The following ALPK2 variants were observed in gnomAD, a reference collection of about 807,000 sequenced individuals.
The protein encoded by ALPK2 is alpha-protein kinase 2.
A neutral mutation model predicts 163.1 loss-of-function variants in ALPK2; 127 were observed. The ratio of observed to expected loss-of-function variants is 0.78; its 90% CI spans 0.67 to 0.90. The LOEUF is 0.90. Among genes scored for constraint, ALPK2 ranks in the 40% least tolerant of loss-of-function variants. The pLI, the probability that ALPK2 is intolerant of heterozygous loss-of-function variation, is 0.00. For synonymous variants in ALPK2, 953 were observed against 959.1 expected (o/e 0.99, Z 0.12); for missense variants, 2,360 against 2,589.6 (o/e 0.91, Z 1.92).
rs200263154 is a variant in ALPK2 at position 58,625,186 on chromosome 18, G to GAA, written c.-21+3576_-21+3577dup. ...GAAGGCTTCCCTGATACCCTCAGCT[G>GAA]AAAAAAAAAAAAAGCCCCCTAAAAA... On this transcript the variant is annotated intron_variant, in intron 1 of 12. Coordinates refer to ENST00000361673, the MANE Select transcript of ALPK2 (RefSeq NM_052947.4). Among the ~76,000 whole-genome samples the GAA allele has an allele frequency of 6.7e-3, 921 of 138,008 alleles. 8 individuals carry two copies. The highest frequency in any genetic ancestry group is 0.023 in the African/African-American group (891 of 38,096). The allele number at this position is 138,008 out of a possible 152,430, so 90.5% of individuals were successfully genotyped here.
At chr18:58,602,566 T>TC (rs2052076770) in intron 3 of ALPK2, among the ~76,000 whole-genome samples, 1 of 152,158 alleles carries the variant, frequency 6.6e-6, no homozygotes, top group Non-Finnish European at 1.5e-5. Flanking sequence ...CGCCATTTTT[T>TC]CTCTGTGTGT....
intron 3 of ALPK2, among the ~76,000 whole-genome samples, chr18:58,588,537 G>T (rs1186759039): frequency 6.6e-6 from 1 of 152,124 alleles, no homozygotes; most frequent in Non-Finnish European, 1.5e-5. Context: ...AGCCCAGCAT[G>T]CATTAGCTAT....
rs753428381 is a variant in ALPK2, at chr18:58,579,410, C to T, written c.1366G>A (p.Glu456Lys). The change falls in exon 4 of 13, where the codon GAG (glutamate) becomes AAG (lysine). Residue 456 changes from glutamate to lysine, a missense_variant. Coordinates refer to ENST00000361673, the MANE Select transcript of ALPK2 (RefSeq NM_052947.4). ...QGRYKLPTAPEAAENDYPGIQ... is the reference protein window; with the variant it reads ...QGRYKLPTAPKAAENDYPGIQ... ...CCTGGATAATCATTTTCAGCAGCCT[C>T]GGGAGCAGTGGGGAGTTTATATCTC... The T allele has an allele frequency of 2.2e-5, 36 of 1,614,026 alleles. No individual in the cohort carries two copies. The highest frequency in any genetic ancestry group is 8.9e-5 in the East Asian group (4 of 44,886).
chr18:58,498,185 G>T lies in ALPK2; in HGVS notation c.6248-88C>A. 3 of 1,210,800 alleles carry T rather than the reference G, an allele frequency of 2.5e-6. No individual in the cohort carries two copies. In the African/African-American group the frequency reaches 4.5e-5, roughly 18 times the overall value. The allele number at this position is 1,210,800 out of a possible 1,614,324, so 75.0% of individuals were successfully genotyped here. A position where few individuals can be genotyped will look rare whatever the true frequency, so the allele number is the denominator to read the frequency against. On this transcript the variant is annotated intron_variant, in intron 11 of 12. Transcript: ENST00000361673. ...CATCTAGCCCCAGGGAAGGGGTAAT[G>T]ACAGCTCATCCTCCTTCTCCTTCCT...
Position 58,537,979 on chromosome 18 carries a change from G to A in ALPK2, c.2208C>T (p.Asp736=), listed in dbSNP as rs777001151. ...DGNIPDNFRE[D]LKYEQSISEA... Reference sequence around the variant, plus strand: ...CTGAGATGCTCTGCTCATATTTTAGGTCTTCCCTGAAATTGTCAGGTATGT... The same window carrying A: ...CTGAGATGCTCTGCTCATATTTTAGATCTTCCCTGAAATTGTCAGGTATGT... Residue 736 remains aspartate (D), a synonymous_variant, in exon 5 of 13, where the codon GAC becomes GAT. Transcript: ENST00000361673. 2 of 1,614,042 alleles carry A rather than the reference G, an allele frequency of 1.2e-6. No homozygotes were observed. Among genetic ancestry groups the A allele is most frequent in the Admixed American group, 3.3e-5 (2 of 60,010 alleles).
intron 6 of ALPK2, among the ~76,000 whole-genome samples, chr18:58,525,337 G>A (rs2051578811): frequency 6.6e-6 from 1 of 152,214 alleles, no homozygotes; most frequent in South Asian, 2.1e-4. Flanking sequence ...GTTATAAGGG[G>A]AAGACTTCCG....
chr18:58,616,556 A>C (rs1481804484), intron 1 of ALPK2, among the ~76,000 whole-genome samples: 1 of 152,074 alleles, frequency 6.6e-6, no homozygotes, highest in East Asian at 1.9e-4. Flanking sequence ...CTCCATAAAA[A>C]CCCAAAAGGA....
At chr18:58,544,462 G>A (rs2051707198) in intron 4 of ALPK2, 2 of 152,166 alleles carry the variant, frequency 1.3e-5, no homozygotes, top group Admixed American at 1.3e-4. Context: ...ACTAACAATA[G>A]AAGGTTGTAT....
At position 58,621,278 on chromosome 18, in the gene ALPK2, C is replaced by CT. The variant is rs142114746; in HGVS notation, c.-21+7485dup. On this transcript the variant is annotated intron_variant, in intron 1 of 12. Coordinates refer to ENST00000361673, the MANE Select transcript of ALPK2 (RefSeq NM_052947.4). ...AGAGTGCAGGGAATGTGATCACTTT[C>CT]TTTTTTTTTTTTTTGAGGCGGAGTC... Among the ~76,000 whole-genome samples the CT allele has an allele frequency of 7.5e-3, 1,081 of 143,790 alleles. 4 individuals are homozygous for CT. The highest frequency in any genetic ancestry group is 0.036 in the Middle Eastern group (10 of 276). 94.3% of individuals were successfully genotyped at this position (143,790 alleles called of 152,430 possible). A position where few individuals can be genotyped will look rare whatever the true frequency, so the allele number is the denominator to read the frequency against.
intron 3 of ALPK2, chr18:58,580,933 A>T (rs1365502261): frequency 1.2e-5 from 2 of 172,506 alleles, no homozygotes; most frequent in Non-Finnish European, 2.5e-5. Context: ...GAATAATTCC[A>T]CCCCTTATTT....
chr18:58,569,181 G>A (rs2051872177), intron 4 of ALPK2, among the ~76,000 whole-genome samples: 1 of 152,284 alleles, frequency 6.6e-6, no homozygotes, highest in Admixed American at 6.5e-5. Context: ...ACTCCAACCT[G>A]GGTGACAGAG....
chr18:58,516,559 A>T (rs955826625), intron 9 of ALPK2, among the ~76,000 whole-genome samples: 3 of 152,148 alleles, frequency 2.0e-5, no homozygotes, highest in African/African-American at 7.2e-5. Context: ...AGACCCTGGC[A>T]TCTAGTGTAG....
In ALPK2 at chr18:58,538,182, G is replaced by A; in HGVS notation, c.2005C>T (p.Gln669Ter). ...GCAGGCTCTGAGAAAGCTGGCATCT[G>A]GCTGCAAGAGATTGTCTCTCTGACT... is the stretch of plus-strand genomic sequence containing the variant. Reference protein sequence around the residue: ...ETVRETISCSQMPAFSEPAGE... With the variant: ...ETVRETISCS Residue 669 changes from glutamine (Q) to a stop codon, truncating the protein, a stop_gained, in exon 5 of 13, where the codon CAG becomes TAG. Coordinates refer to ENST00000361673, the MANE Select transcript of ALPK2 (RefSeq NM_052947.4). LOFTEE classifies it high-confidence loss of function. The A allele has an allele frequency of 1.9e-6, 3 of 1,612,922 alleles. No individual in the cohort carries two copies. Among genetic ancestry groups the A allele is most frequent in the Non-Finnish European group, 2.5e-6 (3 of 1,180,008 alleles).
At chr18:58,569,338 G>A (rs2051873278) in intron 4 of ALPK2, among the ~76,000 whole-genome samples, 1 of 152,194 alleles carries the variant, frequency 6.6e-6, no homozygotes, top group Non-Finnish European at 1.5e-5. Flanking sequence ...AATGTCTGAG[G>A]GCAAAACCCA....
chr18:58,612,064 C>T (rs2052135595), intron 1 of ALPK2, among the ~76,000 whole-genome samples: 1 of 152,146 alleles, frequency 6.6e-6, no homozygotes, highest in Non-Finnish European at 1.5e-5. Context: ...CTCTACCCAC[C>T]AGATGCCAAT....
At chr18:58,573,202 A>G (rs1365713669) in intron 4 of ALPK2, among the ~76,000 whole-genome samples, 1 of 146,594 alleles carries the variant, frequency 6.8e-6, no homozygotes, top group African/African-American at 2.5e-5. Context: ...GTGTATATAT[A>G]TGTGTATATA....
At chr18:58,590,358 G>A (rs2144209189) in intron 3 of ALPK2, among the ~76,000 whole-genome samples, 1 of 152,204 alleles carries the variant, frequency 6.6e-6, no homozygotes, top group East Asian at 1.9e-4. Context: ...GGAAACACGA[G>A]GTCTGTAGTG....
chr18:58,610,301 G>T (rs1027961570), intron 2 of ALPK2, among the ~76,000 whole-genome samples: 1 of 141,660 alleles, frequency 7.1e-6, no homozygotes, highest in Non-Finnish European at 1.5e-5. Context: ...AAAAAAAAGA[G>T]CAAGGGGAGA....
intron 5 of ALPK2, among the ~76,000 whole-genome samples, chr18:58,529,984 T>C (rs1424854303): frequency 6.6e-6 from 1 of 152,118 alleles, no homozygotes; most frequent in Non-Finnish European, 1.5e-5. Flanking sequence ...CTGTCCCGAG[T>C]GGTCGTAACA....
Sources: allele counts gnomAD v4.1 joint callset (sites outside exome capture counted in the v4.1 genomes callset), GRCh38; gene constraint gnomAD v4.1.1; transcripts MANE v1.5; gene names NCBI Gene and HGNC (gene_info 2026-07-23, HGNC 2026-07-21).